ARHGEF4: variants seen among roughly 807,000 people sequenced by gnomAD.
ARHGEF4 encodes the protein APC-stimulated guanine nucleotide exchange factor 1.
Under a neutral mutation model 162.0 loss-of-function variants are expected in ARHGEF4, and 119 were observed. The ratio of observed to expected loss-of-function variants is 0.73; its 90% CI spans 0.63 to 0.86. The LOEUF (loss-of-function observed/expected upper bound fraction) is 0.86. Among genes scored for constraint, ARHGEF4 ranks in the 40% least tolerant of loss-of-function variants. The pLI, the probability that ARHGEF4 is intolerant of heterozygous loss-of-function variation, is 0.00. For synonymous variants in ARHGEF4, 1,014 were observed against 979.9 expected (o/e 1.03, Z -0.65); for missense variants, 2,488 against 2,456.0 (o/e 1.01, Z -0.28).
chr2:130,937,098 A>G (rs1683002685), intron 3 of ARHGEF4, among the ~76,000 whole-genome samples: 1 of 151,636 alleles, frequency 6.6e-6, no homozygotes, highest in African/African-American at 2.4e-5. Context: ...TTTAGTAGAG[A>G]TGGGGTTTCT....
chr2:130,880,570 C>T (rs1332757464), intron 1 of ARHGEF4, among the ~76,000 whole-genome samples: 1 of 152,086 alleles, frequency 6.6e-6, no homozygotes, highest in Non-Finnish European at 1.5e-5. Flanking sequence ...GGCTTCGGTC[C>T]GTCACAGAGG....
chr2:130,955,947 C>T (rs1169207449), intron 4 of ARHGEF4, among the ~76,000 whole-genome samples: 3 of 152,176 alleles, frequency 2.0e-5, no homozygotes, highest in African/African-American at 7.2e-5. Context: ...AGCCCAGTTC[C>T]TTTAGGAAGA....
intron 1 of ARHGEF4, among the ~76,000 whole-genome samples, chr2:130,875,548 C>T (rs763509339): frequency 8.8e-4 from 134 of 152,276 alleles, no homozygotes; most frequent in Non-Finnish European, 1.7e-3. Context: ...CACTTTCTAA[C>T]AACCAGCTCT....
intron 4 of ARHGEF4, among the ~76,000 whole-genome samples, chr2:131,004,222 A>G (rs1687964758): frequency 6.6e-6 from 1 of 152,036 alleles, no homozygotes; most frequent in African/African-American, 2.4e-5. Flanking sequence ...CTGGAGTGCA[A>G]TGGCACGATC....
intron 4 of ARHGEF4, among the ~76,000 whole-genome samples, chr2:131,020,346 C>G (rs777486465): frequency 1.8e-5 from 2 of 109,890 alleles, no homozygotes; most frequent in East Asian, 3.2e-4. Flanking sequence ...CCCCTCCCCC[C>G]ACCCCACAAC....
At position 130,968,654 on chromosome 2, in the gene ARHGEF4, T is replaced by G. The variant is rs371741101; in HGVS notation, c.3985+22019T>G. On this transcript the variant is annotated intron_variant, in intron 4 of 13. Coordinates refer to ENST00000409359, the MANE Select transcript of ARHGEF4 (RefSeq NM_001367493.1). ...TGAACTATTGGCCAGGCACAGTGAC[T>G]CATGCCTGTAATCCAAGCACTTTGG... Among the ~76,000 whole-genome samples the G allele has an allele frequency of 8.5e-5, 13 of 152,328 alleles. No homozygotes were observed. In the East Asian group the frequency reaches 9.6e-4, roughly 11 times the overall value.
intron 4 of ARHGEF4, among the ~76,000 whole-genome samples, chr2:131,009,087 TG>T (rs1265110957): frequency 9.8e-5 from 15 of 152,368 alleles, no homozygotes; most frequent in Middle Eastern, 3.4e-3. Flanking sequence ...AGTAATCATT[TG>T]CTGGTCAATG....
At chr2:131,018,516 A>G (rs376825561) in intron 4 of ARHGEF4, among the ~76,000 whole-genome samples, 6 of 152,156 alleles carry the variant, frequency 3.9e-5, no homozygotes, top group African/African-American at 1.4e-4. Flanking sequence ...TATCAGATAT[A>G]TGATTTGCAG....
At chr2:131,028,179 G>T in intron 5 of ARHGEF4, 95 bp downstream of exon 5, 2 of 1,487,946 alleles carry the variant, frequency 1.3e-6, no homozygotes, top group Admixed American at 2.0e-5. Context: ...CACAGTCCAC[G>T]TTCCATGTGG....
intron 1 of ARHGEF4, among the ~76,000 whole-genome samples, chr2:130,889,983 A>G (rs1245673783): frequency 3.9e-5 from 6 of 152,138 alleles, no homozygotes; most frequent in Non-Finnish European, 5.9e-5. Flanking sequence ...GACTGATAAT[A>G]GCATTTTTTC....
rs114527447 is a variant in ARHGEF4, at chr2:131,045,619, C to T, written c.5479+173C>T. 2,180 of 1,565,792 alleles carry T rather than the reference C, an allele frequency of 1.4e-3. 27 individuals carry two copies. The African/African-American group carries it at 0.025, about 18-fold the overall frequency. ...GGTAATAAGGGGCCACTGGGGAAGC[C>T]TGGGTCAGTATATGGTTGACATTCT... On this transcript the variant is annotated intron_variant, in intron 13 of 13. Transcript: ENST00000409359.
intron 1 of ARHGEF4, among the ~76,000 whole-genome samples, chr2:130,872,819 C>G (rs1678578689): frequency 6.6e-6 from 1 of 152,162 alleles, no homozygotes. Context: ...CTCACGGGGC[C>G]TTGGTGCACT....
At position 131,041,225 on chromosome 2, in the gene ARHGEF4, C is replaced by G. The variant is rs1324387683; in HGVS notation, c.4663-5C>G. ...GCTCTGCTAACCTCCAGCTGTGCCC[C>G]TTAGCAAGCCGACTTCCAGATCTAC... On this transcript the variant is annotated splice_polypyrimidine_tract_variant and splice_region_variant and intron_variant, in intron 8 of 13. Coordinates refer to ENST00000409359, the MANE Select transcript of ARHGEF4 (RefSeq NM_001367493.1). 2 of 1,612,146 alleles carry G rather than the reference C, an allele frequency of 1.2e-6. No homozygotes were observed. The highest frequency in any genetic ancestry group is 1.7e-5 in the Admixed American group (1 of 59,882).
At chr2:130,935,650 T>C (rs1039199041) in intron 3 of ARHGEF4, among the ~76,000 whole-genome samples, 2 of 152,260 alleles carry the variant, frequency 1.3e-5, no homozygotes, top group South Asian at 2.1e-4. Flanking sequence ...TGATTTCTTC[T>C]TTGACTCACT....
intron 4 of ARHGEF4, among the ~76,000 whole-genome samples, chr2:130,949,868 C>T (rs142037009): frequency 5.9e-5 from 9 of 152,296 alleles, no homozygotes; most frequent in Admixed American, 4.6e-4. Flanking sequence ...AGGCTGGTCT[C>T]GAACTCCTGA....
intron 1 of ARHGEF4, among the ~76,000 whole-genome samples, chr2:130,848,420 T>C (rs1195270640): frequency 3.9e-5 from 6 of 152,204 alleles, no homozygotes; most frequent in African/African-American, 1.4e-4. Context: ...AAGACATACA[T>C]GCAGGCCCTG....
intron 1 of ARHGEF4, chr2:130,837,638 G>C (rs1253858419): frequency 2.2e-6 from 1 of 450,428 alleles, no homozygotes; most frequent in Non-Finnish European, 4.5e-6. Flanking sequence ...CCCAAGATGG[G>C]CCGGGGGCTC....
intron 1 of ARHGEF4, among the ~76,000 whole-genome samples, chr2:130,864,037 T>G (rs1465672443): frequency 1.6e-4 from 24 of 148,034 alleles, no homozygotes; most frequent in Non-Finnish European, 6.0e-5. Context: ...ACAAAAAAAA[T>G]TAGCTGGGCA....
At chr2:130,974,480 C>T (rs971428369) in intron 4 of ARHGEF4, among the ~76,000 whole-genome samples, 1 of 152,034 alleles carries the variant, frequency 6.6e-6, no homozygotes, top group Non-Finnish European at 1.5e-5. Flanking sequence ...GTGTCTGGCT[C>T]TGTCTGCCAG....
Sources: gnomAD v4.1 joint callset for allele counts (sites outside exome capture counted in the v4.1 genomes callset) on GRCh38, gnomAD v4.1.1 for gene constraint, MANE v1.5 for transcripts, NCBI Gene and HGNC (gene_info 2026-07-23, HGNC 2026-07-21) for gene names.